The following LRP1B variants were observed in gnomAD, a reference collection of about 807,000 sequenced individuals.
LRP1B encodes the protein low-density lipoprotein receptor-related protein 1B.
In LRP1B, 217 loss-of-function variants were observed where a neutral mutation model predicts 556.6. That is an observed-to-expected ratio of 0.39 (90% CI 0.35 to 0.44). The LOEUF (loss-of-function observed/expected upper bound fraction) is 0.44. Among genes scored for constraint, LRP1B ranks in the 20% least tolerant of loss-of-function variants. The pLI is 1.00. For missense variants in LRP1B, 5,053 were observed against 5,620.8 expected, an observed-to-expected ratio of 0.90 and a Z score of 3.23; for synonymous variants, 2,047 against 1,865.8, an observed-to-expected ratio of 1.10 and a Z score of -2.50.
intron 35 of LRP1B, among the ~76,000 whole-genome samples, chr2:140,746,826 G>C (rs1412657290): frequency 6.6e-6 from 1 of 151,738 alleles, no homozygotes; most frequent in Non-Finnish European, 1.5e-5. Flanking sequence ...CTTACTTTCA[G>C]GGTAAACCTA....
rs545776097 is a variant in LRP1B, at chr2:140,579,097, G to A, written c.7194+19534C>T. On this transcript the variant is annotated intron_variant, in intron 43 of 90. Transcript: ENST00000389484. ...GAGGAAAGGGAGCAAAGGAGAAGGG[G>A]AGAAATCTTAAACTCCTTGAACTAA... Among the ~76,000 whole-genome samples, 16 of 152,246 alleles carry A rather than the reference G, an allele frequency of 1.1e-4. No homozygotes were observed. The South Asian group carries it at 3.3e-3, about 32-fold the overall frequency.
chr2:140,467,368 C>A (rs2105337049), intron 60 of LRP1B, among the ~76,000 whole-genome samples: 1 of 151,874 alleles, frequency 6.6e-6, no homozygotes, highest in Non-Finnish European at 1.5e-5. Context: ...CTGTGGGAAG[C>A]CAATGTGGGT....
At chr2:141,974,270 C>G (rs983781986) in intron 1 of LRP1B, among the ~76,000 whole-genome samples, 10 of 151,934 alleles carry the variant, frequency 6.6e-5, no homozygotes, top group African/African-American at 2.4e-4. Context: ...AGACCCTCTA[C>G]TAGTCAGACA....
chr2:141,761,426 T>C (rs1694543550), intron 2 of LRP1B, among the ~76,000 whole-genome samples: 1 of 150,670 alleles, frequency 6.6e-6, no homozygotes, highest in Non-Finnish European at 1.5e-5. Flanking sequence ...TAAATATTTA[T>C]ATCAAGCAAC....
At chr2:140,833,234 G>C (rs551530167) in intron 31 of LRP1B, among the ~76,000 whole-genome samples, 23 of 152,244 alleles carry the variant, frequency 1.5e-4, no homozygotes, top group Non-Finnish European at 3.1e-4. Context: ...AGTTTGTAAA[G>C]TACACAATAA....
chr2:141,653,460 C>T (rs1689876407), intron 2 of LRP1B, among the ~76,000 whole-genome samples: 2 of 152,202 alleles, frequency 1.3e-5, no homozygotes, highest in Admixed American at 6.5e-5. Flanking sequence ...GCACAAAACA[C>T]AGGCAGAGTG....
At chr2:141,945,911 C>A (rs530813474) in intron 1 of LRP1B, among the ~76,000 whole-genome samples, 1 of 151,892 alleles carries the variant, frequency 6.6e-6, no homozygotes, top group African/African-American at 2.4e-5. Context: ...AGGGAGAATG[C>A]GGTGATAAGA....
chr2:140,903,156 G>C lies in LRP1B; in HGVS notation c.3530C>G (p.Ser1177Trp), dbSNP rs377518986. 6.2e-7 allele frequency: 1 copy of C among 1,612,892 alleles called. No homozygotes were observed. Among genetic ancestry groups the C allele is most frequent in the African/African-American group, 1.3e-5 (1 of 74,960 alleles). Reference protein sequence around the residue: ...SDEGYLCDECSLNNGGCSNHC... With the variant: ...SDEGYLCDECWLNNGGCSNHC... ...GTTGCTACAGCCTCCATTGTTCAGC[G>C]AACACTCATCTATAAAAAGGGGGGA... Residue 1177 changes from serine to tryptophan, a missense_variant, in exon 23 of 91, where the codon TCG (serine) becomes TGG (tryptophan). Transcript: ENST00000389484.
chr2:140,412,295 T>C (rs546301709), intron 66 of LRP1B, among the ~76,000 whole-genome samples: 1 of 152,104 alleles, frequency 6.6e-6, no homozygotes, highest in Non-Finnish European at 1.5e-5. Context: ...TCTGAGATAG[T>C]TGACAATTTT....
intron 86 of LRP1B, among the ~76,000 whole-genome samples, chr2:140,248,995 A>G (rs1270990189): frequency 6.6e-6 from 1 of 151,194 alleles, no homozygotes; most frequent in African/African-American, 2.4e-5. Flanking sequence ...ATTATTTTGA[A>G]TTATTGATTA....
chr2:141,122,627 T>C (rs1241160806), intron 7 of LRP1B, among the ~76,000 whole-genome samples: 1 of 152,028 alleles, frequency 6.6e-6, no homozygotes, highest in Non-Finnish European at 1.5e-5. Context: ...TGTGGAGAAA[T>C]AGGAACACTT....
At chr2:141,140,826 GACTT>G (rs1701632864) in intron 7 of LRP1B, among the ~76,000 whole-genome samples, 1 of 152,146 alleles carries the variant, frequency 6.6e-6, no homozygotes, top group Non-Finnish European at 1.5e-5. Flanking sequence ...TAATCTGATT[GACTT>G]ACTGAGATAA....
At position 140,857,157 on chromosome 2, in the gene LRP1B, C is replaced by T. The variant is rs930003096; in HGVS notation, c.4580-5374G>A. Among the ~76,000 whole-genome samples the T allele has an allele frequency of 1.4e-4, 21 of 152,118 alleles. 1 individual carries two copies. The highest frequency in any genetic ancestry group is 5.1e-4 in the African/African-American group (21 of 41,498). On this transcript the variant is annotated intron_variant, in intron 27 of 90. Transcript: ENST00000389484. ...AAACAACCAGTTTTTCCAATAAATT[C>T]AAATAAAATACACATAAATGTTCAT... is the stretch of plus-strand genomic sequence containing the variant.
chr2:141,145,186 A>G lies in LRP1B; in HGVS notation c.1013+43235T>C, dbSNP rs539294111. Among the ~76,000 whole-genome samples the G allele has an allele frequency of 3.7e-4, 56 of 152,328 alleles. 1 individual carries two copies. In the South Asian group the frequency reaches 6.0e-3, roughly 16 times the overall value. On this transcript the variant is annotated intron_variant, in intron 7 of 90. Coordinates refer to ENST00000389484, the MANE Select transcript of LRP1B (RefSeq NM_018557.3). Reference sequence around the variant, plus strand: ...ATGTTAATAATGCCTGTCAATCACTATTAGTTTAGTCTAAAAAGTTTTGCT... The same window carrying G: ...ATGTTAATAATGCCTGTCAATCACTGTTAGTTTAGTCTAAAAAGTTTTGCT...
chr2:140,242,602 G>A (rs943657348), intron 87 of LRP1B, among the ~76,000 whole-genome samples: 47 of 151,134 alleles, frequency 3.1e-4, no homozygotes, highest in Admixed American at 6.6e-5. Flanking sequence ...ATAGTAGCAT[G>A]AATGCTGTAT....
intron 82 of LRP1B, among the ~76,000 whole-genome samples, chr2:140,321,473 G>A (rs1233117696): frequency 1.3e-5 from 2 of 151,644 alleles, no homozygotes; most frequent in Non-Finnish European, 2.9e-5. Context: ...ATTCTTTGTG[G>A]TAATAGCAGT....
intron 31 of LRP1B, among the ~76,000 whole-genome samples, chr2:140,834,407 T>C (rs1193063225): frequency 2.0e-5 from 3 of 152,130 alleles, no homozygotes; most frequent in Non-Finnish European, 4.4e-5. Flanking sequence ...TCCCAGCTAA[T>C]TTTTGTATTT....
rs373017043 is a variant in LRP1B, at chr2:140,767,954, T to C, written c.5758+1259A>G. On this transcript the variant is annotated intron_variant, in intron 35 of 90. Transcript: ENST00000389484. ...AAAATTCTAAAGAATAAAATGCAGG[T>C]ACATAAGAGACAAGGTAGATTATTC... Among the ~76,000 whole-genome samples, 39 of 152,016 alleles carry C rather than the reference T, an allele frequency of 2.6e-4. No individual in the cohort carries two copies. In the East Asian group the frequency reaches 7.3e-3, roughly 29 times the overall value.
At chr2:140,273,013 T>C (rs1682532007) in intron 85 of LRP1B, among the ~76,000 whole-genome samples, 1 of 151,940 alleles carries the variant, frequency 6.6e-6, no homozygotes, top group Admixed American at 6.6e-5. Flanking sequence ...TAGCAAGCGA[T>C]ACTGAGGGAC....
Sources: allele counts gnomAD v4.1 joint callset (sites outside exome capture counted in the v4.1 genomes callset), GRCh38; gene constraint gnomAD v4.1.1; transcripts MANE v1.5; gene names NCBI Gene and HGNC (gene_info 2026-07-23, HGNC 2026-07-21).